BTBD16: variants seen among roughly 807,000 people sequenced by gnomAD.
BTBD16 encodes the protein BTB domain containing 16, also known as BTB/POZ domain-containing protein 16.
BTBD16 carries 66 observed loss-of-function variants against 67.4 expected under a neutral mutation model. The observed-to-expected ratio is 0.98, with a 90% confidence interval of 0.80 to 1.20. BTBD16 has a LOEUF of 1.20. BTBD16 is among the 50% of genes most tolerant of loss of function. BTBD16 has a pLI of 0.00. For missense variants in BTBD16, 634 were observed against 616.0 expected (o/e 1.03, Z -0.31); for synonymous variants, 242 against 236.4 (o/e 1.02, Z -0.22).
intron 11 of BTBD16, among the ~76,000 whole-genome samples, chr10:122,330,245 C>T (rs765832293): frequency 3.3e-5 from 5 of 151,938 alleles, no homozygotes; most frequent in Non-Finnish European, 5.9e-5. Context: ...GCCAGGGGGC[C>T]GTGAATGTTG....
At chr10:122,318,055 A>G (rs769576314) in intron 10 of BTBD16, among the ~76,000 whole-genome samples, 3 of 152,124 alleles carry the variant, frequency 2.0e-5, no homozygotes, top group Non-Finnish European at 2.9e-5. Context: ...TTTTACACCA[A>G]CCACACCACA....
chr10:122,292,928 C>A (rs937625333), intron 7 of BTBD16, among the ~76,000 whole-genome samples: 1 of 152,178 alleles, frequency 6.6e-6, no homozygotes, highest in Non-Finnish European at 1.5e-5. Flanking sequence ...TGTAATATTC[C>A]TTCATTCCAT....
At chr10:122,287,825 G>A (rs541603532) in intron 5 of BTBD16, among the ~76,000 whole-genome samples, 4 of 152,332 alleles carry the variant, frequency 2.6e-5, no homozygotes, top group Admixed American at 6.5e-5. Flanking sequence ...TGGAGAGGAC[G>A]TGTTTATTCT....
intron 8 of BTBD16, 110 bp downstream of exon 8, chr10:122,297,947 A>G: frequency 1.1e-6 from 1 of 888,978 alleles, no homozygotes; most frequent in African/African-American, 1.7e-5. Context: ...TATCTATTTG[A>G]AGTCATCAAA....
chr10:122,298,906 G>T, intron 8 of BTBD16, 98 bp from the exon 9 acceptor site: 1 of 1,504,162 alleles, frequency 6.6e-7, no homozygotes, highest in South Asian at 1.3e-5. Flanking sequence ...CCTCTGCAGT[G>T]ACTCTCCCTC....
At chr10:122,321,636 G>C (rs574842011) in intron 10 of BTBD16, among the ~76,000 whole-genome samples, 1 of 152,172 alleles carries the variant, frequency 6.6e-6, no homozygotes, top group Non-Finnish European at 1.5e-5. Context: ...GCATATGTTT[G>C]TTGGCCACTT....
At chr10:122,328,976 C>T (rs559576335) in intron 10 of BTBD16, 98 of 399,502 alleles carry the variant, frequency 2.5e-4, no homozygotes, top group African/African-American at 2.1e-3. Flanking sequence ...TCAGAAAGCA[C>T]TTTTGCAGCG....
intron 10 of BTBD16, among the ~76,000 whole-genome samples, chr10:122,326,767 C>A (rs2096445604): frequency 6.6e-6 from 1 of 152,156 alleles, no homozygotes; most frequent in Non-Finnish European, 1.5e-5. Context: ...GAACTGTCTT[C>A]CCTAGAGGGG....
rs2133329875 is a variant in BTBD16 at position 122,334,974 on chromosome 10, A to G, written c.1258A>G (p.Met420Val). The G allele has an allele frequency of 6.8e-7, 1 of 1,475,368 alleles. No individual in the cohort carries two copies. The allele number at this position is 1,475,368 out of a possible 1,614,324, so 91.4% of individuals were successfully genotyped here. ...KHDTTSYSFY[M>V]QRIKHTDLES... The stretch of plus-strand genomic sequence containing the variant: ...TGATACTACCTCTTATAGTTTTTAC[A>G]TGCAGGTAAGGATAGAGTGCATGAA... The change falls in exon 14 of 16, where the codon ATG becomes GTG. Residue 420 changes from methionine to valine, a missense_variant. Transcript: ENST00000260723.
intron 1 of BTBD16, among the ~76,000 whole-genome samples, 167 bp downstream of exon 1, chr10:122,271,681 C>A (rs766142177): frequency 6.6e-6 from 1 of 152,218 alleles, no homozygotes; most frequent in African/African-American, 2.4e-5. Flanking sequence ...AGCTGAGAGA[C>A]CATTGTAGGT....
At chr10:122,273,956 G>A (rs2096334813) in intron 1 of BTBD16, among the ~76,000 whole-genome samples, 1 of 152,242 alleles carries the variant, frequency 6.6e-6, no homozygotes, top group African/African-American at 2.4e-5. Context: ...GCTCACTGCT[G>A]TCTCTCAGAA....
At chr10:122,288,679 C>T (rs566217623) in intron 5 of BTBD16, among the ~76,000 whole-genome samples, 71 of 152,064 alleles carry the variant, frequency 4.7e-4, no homozygotes, top group African/African-American at 1.6e-3. Context: ...AATAGAAGGT[C>T]GTGGTCAAAT....
chr10:122,315,428 G>C (rs1397123637), intron 10 of BTBD16, among the ~76,000 whole-genome samples: 1 of 152,042 alleles, frequency 6.6e-6, no homozygotes, highest in Non-Finnish European at 1.5e-5. Flanking sequence ...TAGAATTTTT[G>C]CCTATATATT....
rs757270623 is a variant in BTBD16 at position 122,286,057 on chromosome 10, G to A, written c.242-48G>A. ...GGAGAGGAAGCTGATGCATCTTTGGGTGGGGACGTTACTGATGTGTTTGCT... is the reference window on the plus strand; with the variant it reads ...GGAGAGGAAGCTGATGCATCTTTGGATGGGGACGTTACTGATGTGTTTGCT... On this transcript the variant is annotated intron_variant, in intron 4 of 15. Coordinates refer to ENST00000260723, the MANE Select transcript of BTBD16 (RefSeq NM_144587.5). 4.5e-6 allele frequency: 7 copies of A among 1,549,404 alleles called. No homozygotes were observed. The Admixed American group carries it at 5.3e-5, about 12-fold the overall frequency.
At chr10:122,310,884 C>T (rs2096412573) in intron 10 of BTBD16, among the ~76,000 whole-genome samples, 1 of 152,156 alleles carries the variant, frequency 6.6e-6, no homozygotes, top group South Asian at 2.1e-4. Flanking sequence ...AGGAAAGAAG[C>T]TGAGCAGCAA....
chr10:122,316,442 A>G (rs997031429), intron 10 of BTBD16, among the ~76,000 whole-genome samples: 2 of 152,188 alleles, frequency 1.3e-5, no homozygotes, highest in Non-Finnish European at 2.9e-5. Context: ...GTTCTGAGAC[A>G]TGCATTGTTA....
Position 122,310,424 on chromosome 10 carries a change from G to A in BTBD16, c.911+3116G>A, listed in dbSNP as rs569327623. ...GCTGGCCTAGCAGGGCTGGTGGCCGGAGGGCTCCAGCTGCCCCGAGGTACC... is the reference window on the plus strand; with the variant it reads ...GCTGGCCTAGCAGGGCTGGTGGCCGAAGGGCTCCAGCTGCCCCGAGGTACC... On this transcript the variant is annotated intron_variant, in intron 10 of 15. Coordinates refer to ENST00000260723, the MANE Select transcript of BTBD16 (RefSeq NM_144587.5). 3.9e-5 allele frequency among the ~76,000 whole-genome samples: 6 copies of A among 152,306 alleles called. No individual in the cohort carries two copies. The South Asian group carries it at 8.3e-4, about 21-fold the overall frequency.
At position 122,275,078 on chromosome 10, in the gene BTBD16, A is replaced by G. The variant is rs969519112; in HGVS notation, c.-4A>G. The stretch of plus-strand genomic sequence containing the variant: ...TCTCTCCTGCGTAATTTCCACTTTC[A>G]TTCATGATAATGTCGAACACGGTGA... On this transcript the variant is annotated 5_prime_UTR_variant, in exon 2 of 16. Coordinates refer to ENST00000260723, the MANE Select transcript of BTBD16 (RefSeq NM_144587.5). The G allele has an allele frequency of 1.2e-6, 2 of 1,613,916 alleles. No individual in the cohort carries two copies. Among genetic ancestry groups the G allele is most frequent in the Non-Finnish European group, 8.5e-7 (1 of 1,179,924 alleles).
intron 10 of BTBD16, among the ~76,000 whole-genome samples, chr10:122,320,350 A>T (rs1238254532): frequency 6.6e-6 from 1 of 152,042 alleles, no homozygotes; most frequent in Non-Finnish European, 1.5e-5. Context: ...GATACCCTTT[A>T]TCATGTTGAG....
Sources: allele counts gnomAD v4.1 joint callset (sites outside exome capture counted in the v4.1 genomes callset), GRCh38; gene constraint gnomAD v4.1.1; transcripts MANE v1.5; gene names NCBI Gene and HGNC (gene_info 2026-07-23, HGNC 2026-07-21).